Variants in HIVEP2 observed in about 807,000 individuals in gnomAD.
HIVEP2 encodes the protein transcription factor HIVEP2.
HIVEP2 carries 14 observed loss-of-function variants against 180.7 expected under a neutral mutation model. The observed-to-expected ratio is 0.08, with a 90% confidence interval of 0.05 to 0.12. The LOEUF (loss-of-function observed/expected upper bound fraction) is 0.12, where lower values mean the gene tolerates loss of function less well. HIVEP2 is among the 10% of genes least tolerant of loss of function. HIVEP2 has a pLI of 1.00. For missense variants in HIVEP2, 2,579 were observed against 3,008.5 expected (o/e 0.86, Z 3.34); for synonymous variants, 1,184 against 1,136.4 (o/e 1.04, Z -0.84).
intron 1 of HIVEP2, among the ~76,000 whole-genome samples, chr6:142,878,030 C>T (rs1350779436): frequency 6.6e-6 from 1 of 152,046 alleles, no homozygotes; most frequent in Admixed American, 6.6e-5. Flanking sequence ...CAGCACTCTT[C>T]CAATATATTA....
chr6:142,834,597 C>G (rs1165742187), intron 2 of HIVEP2, among the ~76,000 whole-genome samples: 3 of 151,936 alleles, frequency 2.0e-5, no homozygotes, highest in Admixed American at 6.6e-5. Flanking sequence ...AATGTCAAGA[C>G]CAGTCAAAAA....
At chr6:142,915,968 A>G (rs1290451368) in intron 1 of HIVEP2, among the ~76,000 whole-genome samples, 1 of 152,298 alleles carries the variant, frequency 6.6e-6, no homozygotes, top group Middle Eastern at 3.4e-3. Flanking sequence ...CCCCATCCCA[A>G]TAAATTGTGC....
intron 1 of HIVEP2, among the ~76,000 whole-genome samples, chr6:142,916,888 C>A (rs189110386): frequency 2.5e-4 from 38 of 152,258 alleles, no homozygotes; most frequent in African/African-American, 8.2e-4. Context: ...TTGAAAGAAA[C>A]TACTGTTTTA....
rs766328392 is a variant in HIVEP2, at chr6:142,771,714, C to T, written c.3025G>A (p.Val1009Ile). The T allele has an allele frequency of 9.7e-5, 156 of 1,614,090 alleles. No homozygotes were observed. The highest frequency in any genetic ancestry group is 1.3e-4 in the Non-Finnish European group (155 of 1,180,044). The change falls in exon 5 of 10, where the codon GTC (valine) becomes ATC (isoleucine). Residue 1009 changes from valine to isoleucine, a missense_variant. Physicochemically the swap from Val to Ile is conservative, Grantham distance 29. Around this residue, in one of 11 missense-constraint regions of HIVEP2, gnomAD observed 523 missense variants for 577.0 expected, o/e 0.91. Coordinates refer to ENST00000367603, the MANE Select transcript of HIVEP2 (RefSeq NM_006734.4). This position sits in a 1 kb window ranked among gnomAD's most constrained non-coding sequence, Gnocchi z 5.4. ...GACAATGAGTATGAACCAGCAGGGA[C>T]AGTCAGAAACTCTGAATGCTTCCCA... ...EFGKHSEFLT[V>I]PAGSYSLSVP...
At chr6:142,873,264 T>A (rs1268492656) in intron 1 of HIVEP2, among the ~76,000 whole-genome samples, 1 of 152,124 alleles carries the variant, frequency 6.6e-6, no homozygotes, top group Non-Finnish European at 1.5e-5. Context: ...AGAAAAAAAA[T>A]GGCTGTGTGC....
At chr6:142,778,703 C>T (rs566853577) in intron 3 of HIVEP2, among the ~76,000 whole-genome samples, 45 of 152,190 alleles carry the variant, frequency 3.0e-4, no homozygotes, top group African/African-American at 1.1e-3. Context: ...ACCTATTTTA[C>T]AGTTGAGAAT....
At chr6:142,821,503 G>A (rs1279291303) in intron 2 of HIVEP2, among the ~76,000 whole-genome samples, 2 of 152,112 alleles carry the variant, frequency 1.3e-5, no homozygotes, top group Non-Finnish European at 2.9e-5. Context: ...TAACCTCTCC[G>A]TGCCTCAGTC....
chr6:142,806,745 C>T (rs1035768064), intron 2 of HIVEP2, among the ~76,000 whole-genome samples: 12 of 152,078 alleles, frequency 7.9e-5, no homozygotes, highest in East Asian at 7.7e-4. Context: ...ATACCATAAA[C>T]GCATACCATG....
intron 1 of HIVEP2, among the ~76,000 whole-genome samples, chr6:142,891,812 C>G (rs1776867816): frequency 6.6e-6 from 1 of 152,224 alleles, no homozygotes; most frequent in African/African-American, 2.4e-5. Context: ...CTTGCTGGTT[C>G]TTTGTCCTCT....
In HIVEP2 at chr6:142,907,520, C is replaced by T. The variant is rs776786887; in HGVS notation, c.-641+37579G>A. ...CACAAAGCCATTGCTTACCCTGAGT[C>T]GTACTCAGTAAAGGTTTGATGAATG... On this transcript the variant is annotated intron_variant, in intron 1 of 9. Transcript: ENST00000367603. 2.1e-4 allele frequency among the ~76,000 whole-genome samples: 32 copies of T among 152,198 alleles called. 1 individual carries two copies. The highest frequency in any genetic ancestry group is 4.6e-4 in the Non-Finnish European group (31 of 68,032).
chr6:142,884,617 GCAAA>G (rs1279641958), intron 1 of HIVEP2, among the ~76,000 whole-genome samples: 5 of 151,980 alleles, frequency 3.3e-5, no homozygotes, highest in African/African-American at 1.2e-4. Flanking sequence ...AATTACTTTT[GCAAA>G]CAAAGTAGCA....
At chr6:142,845,731 G>C (rs1238400502) in intron 1 of HIVEP2, among the ~76,000 whole-genome samples, 1 of 152,346 alleles carries the variant, frequency 6.6e-6, no homozygotes, top group East Asian at 1.9e-4. Flanking sequence ...TGTCCCCAGA[G>C]GAAGCTGTTC....
At chr6:142,867,991 G>A (rs1172610764) in intron 1 of HIVEP2, among the ~76,000 whole-genome samples, 1 of 152,100 alleles carries the variant, frequency 6.6e-6, no homozygotes, top group African/African-American at 2.4e-5. Flanking sequence ...CCTATATACT[G>A]TCATTTTATA....
intron 2 of HIVEP2, among the ~76,000 whole-genome samples, chr6:142,790,811 C>G (rs889259993): frequency 1.3e-5 from 2 of 152,188 alleles, no homozygotes; most frequent in African/African-American, 4.8e-5. Context: ...GAGGGAAGAT[C>G]CTCCTGCATC....
At chr6:142,878,164 G>A (rs1776489741) in intron 1 of HIVEP2, among the ~76,000 whole-genome samples, 1 of 152,070 alleles carries the variant, frequency 6.6e-6, no homozygotes, top group East Asian at 1.9e-4. Flanking sequence ...GCAGTAAATT[G>A]TCTCCAAAAA....
At position 142,760,516 on chromosome 6, in the gene HIVEP2, C is replaced by T. The variant is rs1562498027; in HGVS notation, c.5772G>A (p.Gln1924=). 1 of 1,613,990 alleles carries T rather than the reference C, an allele frequency of 6.2e-7. No homozygotes were observed. The highest frequency in any genetic ancestry group is 8.5e-7 in the Non-Finnish European group (1 of 1,180,028). Residue 1924 remains glutamine, a synonymous_variant, in exon 9 of 10, where the codon CAG becomes CAA. Transcript: ENST00000367603. The part of the protein sequence containing the change: ...DDEDEDDFDD[Q]GDLTPKTRSR... ...ATCTTGTTTTTGGTGTTAAATCTCC[C>T]TGGTCGTCAAAGTCATCTTCATCTT... is the stretch of plus-strand genomic sequence containing the variant.
chr6:142,824,122 T>G (rs2876529), intron 2 of HIVEP2, among the ~76,000 whole-genome samples: 145,553 of 152,166 alleles, frequency 0.96, 69,682 homozygotes, highest in East Asian at 1. Flanking sequence ...TCCCGAGAAT[T>G]AGTACATGTT....
At chr6:142,877,734 C>T (rs2128414957) in intron 1 of HIVEP2, among the ~76,000 whole-genome samples, 1 of 152,322 alleles carries the variant, frequency 6.6e-6, no homozygotes, top group Non-Finnish European at 1.5e-5. Context: ...AATTAGGAGA[C>T]TTCCTGAGAT....
chr6:142,769,812 T>A lies in HIVEP2; in HGVS notation c.4927A>T (p.Thr1643Ser). 6.2e-7 allele frequency: 1 copy of A among 1,614,186 alleles called. No individual in the cohort carries two copies. The highest frequency in any genetic ancestry group is 8.5e-7 in the Non-Finnish European group (1 of 1,180,022). Residue 1643 changes from threonine (T) to serine (S), a missense_variant, in exon 5 of 10, where the codon ACA becomes TCA. This residue lies in a region of HIVEP2 where 349 missense variants were observed against 367.2 expected (regional missense o/e 0.95). Transcript: ENST00000367603. Reference sequence around the variant, plus strand: ...AAGCACCAACTCACAGTAGTTGTTGTCCGCAGACTGGGGAACTGAAGAATC... The same window carrying A: ...AAGCACCAACTCACAGTAGTTGTTGACCGCAGACTGGGGAACTGAAGAATC... ...QQILQFPSLR[T>S]TTTVSWCFLN...
Sources: gnomAD v4.1 joint callset for allele counts (sites outside exome capture counted in the v4.1 genomes callset) on GRCh38, gnomAD v4.1.1 for gene constraint, gnomAD v4.1.1 regional missense constraint, Gnocchi (gnomAD v3.1) non-coding constraint, MANE v1.5 for transcripts, NCBI Gene and HGNC (gene_info 2026-07-23, HGNC 2026-07-21) for gene names.